The following N4BP2 variants were observed in gnomAD, a reference collection of about 807,000 sequenced individuals.
The protein encoded by N4BP2 is NEDD4-binding protein 2.
Under a neutral mutation model 152.8 loss-of-function variants are expected in N4BP2, and 91 were observed. The ratio of observed to expected loss-of-function variants is 0.60; its 90% CI spans 0.50 to 0.71. The LOEUF (loss-of-function observed/expected upper bound fraction) is 0.71. N4BP2 is among the 30% of genes least tolerant of loss of function. The probability of loss-of-function intolerance (pLI) is 0.00; values close to 1 mark genes in which losing one functional copy is unlikely to be tolerated. For missense variants in N4BP2, 1,923 were observed against 2,059.1 expected (o/e 0.93, Z 1.28); for synonymous variants, 646 against 705.3 (o/e 0.92, Z 1.33).
At chr4:40,131,186 G>T (rs1207396891) in intron 12 of N4BP2, among the ~76,000 whole-genome samples, 3 of 152,150 alleles carry the variant, frequency 2.0e-5, no homozygotes, top group African/African-American at 7.2e-5. Context: ...GACCCATGGG[G>T]AAATTTCTCT....
chr4:40,083,007 A>G (rs1713552597), intron 2 of N4BP2: 3 of 263,694 alleles, frequency 1.1e-5, no homozygotes, highest in East Asian at 2.1e-4. Flanking sequence ...GCCGGGCTGT[A>G]TTCTTACACT....
chr4:40,155,553 T>C lies in N4BP2; in HGVS notation c.*1316T>C, dbSNP rs1721534077. The C allele has an allele frequency of 6.6e-6, 1 of 152,228 alleles. No homozygotes were observed. The highest frequency in any genetic ancestry group is 2.4e-5 in the African/African-American group (1 of 41,458). The allele number at this position is 152,228 out of a possible 1,614,324, so 9.4% of individuals were successfully genotyped here. On this transcript the variant is annotated 3_prime_UTR_variant, in exon 18 of 18. Coordinates refer to ENST00000261435, the MANE Select transcript of N4BP2 (RefSeq NM_018177.6). ...TGTTGTTTGGTTAGCTAATAAATTC[T>C]GTTAGTATGCAAGTTAAACCTGTGT... is the stretch of plus-strand genomic sequence containing the variant.
intron 16 of N4BP2, among the ~76,000 whole-genome samples, chr4:40,151,919 G>A (rs1270446066): frequency 6.6e-6 from 1 of 152,026 alleles, no homozygotes; most frequent in Non-Finnish European, 1.5e-5. Flanking sequence ...AATTTAATAA[G>A]CAGACCGTGG....
chr4:40,114,081 C>G (rs1717142996), intron 7 of N4BP2, among the ~76,000 whole-genome samples: 1 of 152,178 alleles, frequency 6.6e-6, no homozygotes. Flanking sequence ...AGATATCTCA[C>G]TCCATGCCTG....
intron 13 of N4BP2, among the ~76,000 whole-genome samples, chr4:40,136,647 C>T (rs1011156217): frequency 6.6e-6 from 1 of 152,220 alleles, no homozygotes; most frequent in Non-Finnish European, 1.5e-5. Flanking sequence ...CTCGGCCCCC[C>T]GAAGTGCTGG....
chr4:40,092,008 T>TTATA (rs1221314746), intron 2 of N4BP2, among the ~76,000 whole-genome samples: 373 of 27,198 alleles, frequency 0.014, 10 homozygotes, highest in South Asian at 0.02. Context: ...AAAAAAAAAA[T>TTATA]TATATATATA....
At chr4:40,060,662 G>T (rs1263281969) in intron 1 of N4BP2, among the ~76,000 whole-genome samples, 4 of 150,908 alleles carry the variant, frequency 2.7e-5, no homozygotes, top group Admixed American at 2.6e-4. Flanking sequence ...GAGTGCAGTG[G>T]CATGATTATA....
At chr4:40,181,734 G>C in the N4BP2 span, among the ~76,000 whole-genome samples, 2 of 152,220 alleles carry the variant, frequency 1.3e-5, no homozygotes, top group African/African-American at 4.8e-5. Context: ...GATCACCTGA[G>C]GTCAGGAGTT....
At chr4:40,150,061 C>T (rs1429868788) in intron 16 of N4BP2, among the ~76,000 whole-genome samples, 3 of 152,146 alleles carry the variant, frequency 2.0e-5, no homozygotes, top group Admixed American at 2.0e-4. Flanking sequence ...TCAGTCACCA[C>T]CAGGTGGCAG....
At chr4:40,185,486 AT>A in the N4BP2 span, among the ~76,000 whole-genome samples, 2 of 152,198 alleles carry the variant, frequency 1.3e-5, no homozygotes, top group African/African-American at 4.8e-5. Flanking sequence ...AAAGACAAGA[AT>A]TAGAGAACAA....
the N4BP2 span, among the ~76,000 whole-genome samples, chr4:40,177,991 G>GA: frequency 2.0e-5 from 3 of 151,842 alleles, no homozygotes; most frequent in African/African-American, 4.8e-5. Flanking sequence ...TAAGCAACCA[G>GA]AAAAAAACAA....
rs1717884807 is a variant in N4BP2 at position 40,121,314 on chromosome 4, A to G, written c.3203A>G (p.Tyr1068Cys). Residue 1068 changes from tyrosine to cysteine, a missense_variant, in exon 9 of 18, where the codon TAT becomes TGT. By Grantham distance (194) the Tyr-to-Cys change is radical. Coordinates refer to ENST00000261435, the MANE Select transcript of N4BP2 (RefSeq NM_018177.6). ...TCAGACGTTCAAGAAGCAATTCCAT[A>G]TAGAGTAATGTATGATAAAAGCACG... The part of the protein sequence containing the change: ...TKSDVQEAIP[Y>C]RVMYDKSTFV... The G allele has an allele frequency of 6.2e-7, 1 of 1,613,992 alleles. No individual in the cohort carries two copies. Among genetic ancestry groups the G allele is most frequent in the Non-Finnish European group, 8.5e-7 (1 of 1,179,972 alleles).
chr4:40,092,984 C>T (rs1010399643), intron 2 of N4BP2, among the ~76,000 whole-genome samples: 6 of 148,970 alleles, frequency 4.0e-5, no homozygotes, highest in African/African-American at 1.5e-4. Context: ...GCTTTTGTCA[C>T]CCAGGCTGGA....
In N4BP2 at chr4:40,157,164, T is replaced by C. The variant is rs1721664536; in HGVS notation, c.*2927T>C. 1 of 152,056 alleles carries C rather than the reference T, an allele frequency of 6.6e-6. No homozygotes were observed. Among genetic ancestry groups the C allele is most frequent in the African/African-American group, 2.4e-5 (1 of 41,424 alleles). The allele number at this position is 152,056 out of a possible 1,614,324, so 9.4% of individuals were successfully genotyped here. A position where few individuals can be genotyped will look rare whatever the true frequency, so the allele number is the denominator to read the frequency against. On this transcript the variant is annotated 3_prime_UTR_variant, in exon 18 of 18. Coordinates refer to ENST00000261435, the MANE Select transcript of N4BP2 (RefSeq NM_018177.6). ...AGATATTAGACACTTAACAGTATTT[T>C]CAGTCTGTCCATCTCTTTATTCCAA...
chr4:40,084,753 C>T (rs1308773948), intron 2 of N4BP2, among the ~76,000 whole-genome samples: 1 of 151,050 alleles, frequency 6.6e-6, no homozygotes, highest in Non-Finnish European at 1.5e-5. Context: ...CCTCAGCCTC[C>T]TGAGTAGCTG....
At chr4:40,060,892 A>G (rs1181461752) in intron 1 of N4BP2, among the ~76,000 whole-genome samples, 1 of 152,218 alleles carries the variant, frequency 6.6e-6, no homozygotes, top group East Asian at 1.9e-4. Flanking sequence ...GGCCCGAGCC[A>G]TCACGCCTGG....
At chr4:40,088,712 C>T (rs762734239) in intron 2 of N4BP2, among the ~76,000 whole-genome samples, 3 of 152,032 alleles carry the variant, frequency 2.0e-5, no homozygotes, top group Non-Finnish European at 4.4e-5. Flanking sequence ...GTTGGTCAGG[C>T]CGGTCTCGAA....
rs1560593821 is a variant in N4BP2, at chr4:40,102,486, C to T, written c.641C>T (p.Pro214Leu). 1 of 1,613,944 alleles carries T rather than the reference C, an allele frequency of 6.2e-7. No homozygotes were observed. The highest frequency in any genetic ancestry group is 8.5e-7 in the Non-Finnish European group (1 of 1,180,020). ...TCTGGTTCTACTTTAAGTTTAAACCCATTACCTTCACATTCAGTTTTGAAC... is the reference window on the plus strand; with the variant it reads ...TCTGGTTCTACTTTAAGTTTAAACCTATTACCTTCACATTCAGTTTTGAAC... ...ENSGSTLSLN[P>L]LPSHSVLNES... Residue 214 changes from proline (P) to leucine (L), a missense_variant, in exon 4 of 18, where the codon CCA becomes CTA. Pro to Leu is a moderately conservative substitution (Grantham distance 98). Coordinates refer to ENST00000261435, the MANE Select transcript of N4BP2 (RefSeq NM_018177.6).
intron 16 of N4BP2, 106 bp from the exon 17 acceptor site, chr4:40,152,674 A>C: frequency 1.5e-6 from 2 of 1,303,754 alleles, no homozygotes; most frequent in Non-Finnish European, 2.1e-6. Flanking sequence ...CAAACCCCAA[A>C]ATCCTCATGA....
Sources: gnomAD v4.1 joint callset for allele counts (sites outside exome capture counted in the v4.1 genomes callset) on GRCh38, gnomAD v4.1.1 for gene constraint, MANE v1.5 for transcripts, NCBI Gene and HGNC (gene_info 2026-07-23, HGNC 2026-07-21) for gene names.